The following VPS41 variants were observed in gnomAD, a reference collection of about 807,000 sequenced individuals.
VPS41 encodes VPS41 subunit of HOPS complex.
Under a neutral mutation model 130.9 loss-of-function variants are expected in VPS41, and 85 were observed. The ratio of observed to expected loss-of-function variants is 0.65; its 90% CI spans 0.55 to 0.78. The LOEUF (loss-of-function observed/expected upper bound fraction) is 0.78, where lower values mean the gene tolerates loss of function less well. VPS41 is among the 30% of genes least tolerant of loss of function. The pLI is 0.00. For synonymous variants in VPS41, 335 were observed against 332.9 expected (o/e 1.01, Z -0.07); for missense variants, 874 against 1,018.7 (o/e 0.86, Z 1.93).
In VPS41 at chr7:38,779,518, GC is replaced by G. The variant is rs528679641; in HGVS notation, c.785-2743del. ...TAATACCCACTGGTAATGATATCATGCAAAAAAGAACTCACTTCTAATGTGA... is the reference window on the plus strand; with the variant it reads ...TAATACCCACTGGTAATGATATCATGAAAAAAGAACTCACTTCTAATGTGA... On this transcript the variant is annotated intron_variant, in intron 10 of 28. Transcript: ENST00000310301. Among the ~76,000 whole-genome samples, 10 of 152,200 alleles carry G rather than the reference GC, an allele frequency of 6.6e-5. No individual in the cohort carries two copies. The South Asian group carries it at 2.1e-3, about 32-fold the overall frequency.
intron 3 of VPS41, among the ~76,000 whole-genome samples, chr7:38,867,646 A>G (rs1786258780): frequency 6.6e-6 from 1 of 152,208 alleles, no homozygotes; most frequent in South Asian, 2.1e-4. Context: ...CATACCTGAC[A>G]TTTTCAATCT....
At chr7:38,792,443 T>TA (rs1232029526) in intron 9 of VPS41, among the ~76,000 whole-genome samples, 1 of 152,206 alleles carries the variant, frequency 6.6e-6, no homozygotes, top group African/African-American at 2.4e-5. Flanking sequence ...CAGCAAAAGG[T>TA]AGTTTCACCT....
intron 10 of VPS41, among the ~76,000 whole-genome samples, chr7:38,786,380 G>T (rs11980534): frequency 6.6e-6 from 1 of 152,000 alleles, no homozygotes; most frequent in African/African-American, 2.4e-5. Flanking sequence ...TGTTATATAA[G>T]GAACAATATA....
chr7:38,867,791 G>A (rs955299279), intron 3 of VPS41, among the ~76,000 whole-genome samples: 12 of 152,148 alleles, frequency 7.9e-5, no homozygotes, highest in Admixed American at 2.6e-4. Context: ...AGGTGTGTGA[G>A]TCTATACCAG....
At chr7:38,733,439 T>C (rs1795706539) in intron 25 of VPS41, among the ~76,000 whole-genome samples, 1 of 152,188 alleles carries the variant, frequency 6.6e-6, no homozygotes, top group South Asian at 2.1e-4. Context: ...TTTATGGAAT[T>C]TGCAAATACA....
At chr7:38,882,524 A>T (rs560967837) in intron 2 of VPS41, among the ~76,000 whole-genome samples, 1 of 152,184 alleles carries the variant, frequency 6.6e-6, no homozygotes, top group African/African-American at 2.4e-5. Context: ...TCCAGACTTG[A>T]ACTACTCTTC....
rs544639796 is a variant in VPS41, at chr7:38,855,297, C to T, written c.246+7248G>A. Among the ~76,000 whole-genome samples the T allele has an allele frequency of 4.7e-5, 7 of 149,534 alleles. No individual in the cohort carries two copies. In the East Asian group the frequency reaches 8.0e-4, roughly 17 times the overall value. On this transcript the variant is annotated intron_variant, in intron 4 of 28. Coordinates refer to ENST00000310301, the MANE Select transcript of VPS41 (RefSeq NM_014396.4). ...GGAACACTGAATCTTCACGATGATA[C>T]TGTCAAAGAGAGAGGAGAGAAGGAA...
In VPS41 at chr7:38,889,564, A is replaced by C. The variant is rs557996453; in HGVS notation, c.60+8527T>G. On this transcript the variant is annotated intron_variant, in intron 2 of 28. Coordinates refer to ENST00000310301, the MANE Select transcript of VPS41 (RefSeq NM_014396.4). ...AAAAACAAAACAAAACAAAACAAAA[A>C]AAAAAAAAAACCTTAAAACTGAAGG... 2.2e-3 allele frequency among the ~76,000 whole-genome samples: 322 copies of C among 149,336 alleles called. 1 individual carries two copies. The highest frequency in any genetic ancestry group is 6.3e-3 in the South Asian group (30 of 4,734).
chr7:38,728,199 G>T, intron 27 of VPS41: 1 of 469,814 alleles, frequency 2.1e-6, no homozygotes. Flanking sequence ...CCCTGAACCA[G>T]TGGCATCAAC....
intron 2 of VPS41, among the ~76,000 whole-genome samples, chr7:38,893,578 A>G (rs1344048903): frequency 1.3e-5 from 2 of 152,262 alleles, no homozygotes. Flanking sequence ...TATCAAGGTG[A>G]AATAAACAGT....
At chr7:38,784,642 G>A (rs1315129118) in intron 10 of VPS41, among the ~76,000 whole-genome samples, 1 of 139,150 alleles carries the variant, frequency 7.2e-6, no homozygotes, top group Non-Finnish European at 1.6e-5. Flanking sequence ...TCGAAAGAAG[G>A]AGGGGGGGAG....
intron 11 of VPS41, among the ~76,000 whole-genome samples, chr7:38,776,108 A>G (rs1332134347): frequency 6.6e-6 from 1 of 152,192 alleles, no homozygotes; most frequent in East Asian, 1.9e-4. Context: ...TTCCAAAGAC[A>G]CGCACAACAA....
intron 8 of VPS41, chr7:38,796,315 C>T (rs887864072): frequency 5.9e-6 from 2 of 337,944 alleles, no homozygotes; most frequent in African/African-American, 4.3e-5. Context: ...TTACGATCCA[C>T]TTTCTTACAG....
chr7:38,900,305 C>T (rs146883564), intron 1 of VPS41, among the ~76,000 whole-genome samples: 1,555 of 152,052 alleles, frequency 0.01, 6 homozygotes, highest in Non-Finnish European at 0.014. Flanking sequence ...TGAAACAACT[C>T]AGAAACAGTC....
At chr7:38,806,391 G>T (rs956700021) in intron 7 of VPS41, among the ~76,000 whole-genome samples, 2 of 152,028 alleles carry the variant, frequency 1.3e-5, no homozygotes, top group African/African-American at 4.8e-5. Context: ...ACAGAAGAAT[G>T]GTTAAGAAAA....
intron 2 of VPS41, among the ~76,000 whole-genome samples, chr7:38,870,738 T>TAAAAAAAAAAAAAAAAAAAAA (rs1786334268): frequency 1.5e-5 from 1 of 68,486 alleles, no homozygotes; most frequent in Non-Finnish European, 2.3e-5. Flanking sequence ...GACTATATGT[T>TAAAAAAAAAAAAAAAAAAAAA]CAAAAAAAAA....
At chr7:38,785,853 T>C (rs778162168) in intron 10 of VPS41, among the ~76,000 whole-genome samples, 7 of 152,154 alleles carry the variant, frequency 4.6e-5, no homozygotes, top group African/African-American at 7.2e-5. Flanking sequence ...CTATAAATTA[T>C]CTAAAAATGT....
In VPS41 at chr7:38,883,098, C is replaced by A. The variant is rs539605109; in HGVS notation, c.61-13845G>T. The stretch of plus-strand genomic sequence containing the variant: ...TCTCTACTAAAAATACAAAAATTAG[C>A]TAGGCATGGTGGCATGCACCTGTAC... On this transcript the variant is annotated intron_variant, in intron 2 of 28. Transcript: ENST00000310301. 1.8e-3 allele frequency among the ~76,000 whole-genome samples: 278 copies of A among 152,242 alleles called. 2 individuals carry two copies. The highest frequency in any genetic ancestry group is 1.6e-4 in the Non-Finnish European group (11 of 68,022).
At chr7:38,771,329 GGA>G in intron 13 of VPS41, 75 bp from the exon 14 acceptor site, 1 of 1,066,018 alleles carries the variant, frequency 9.4e-7, no homozygotes, top group Admixed American at 2.0e-5. Context: ...GGAGAAGGTG[GGA>G]GAGAAAGATA....
Sources: gnomAD v4.1 joint callset for allele counts (sites outside exome capture counted in the v4.1 genomes callset) on GRCh38, gnomAD v4.1.1 for gene constraint, MANE v1.5 for transcripts, NCBI Gene and HGNC (gene_info 2026-07-23, HGNC 2026-07-21) for gene names.